Variants in TMEM116 observed in about 807,000 individuals in gnomAD.
The protein encoded by TMEM116 is transmembrane protein 116.
A neutral mutation model predicts 44.3 loss-of-function variants in TMEM116; 38 were observed. The ratio of observed to expected loss-of-function variants is 0.86; its 90% confidence interval spans 0.66 to 1.12. The LOEUF (loss-of-function observed/expected upper bound fraction) is 1.12. TMEM116 is among the 50% of genes most tolerant of loss of function. TMEM116 has a pLI of 0.00. For synonymous variants in TMEM116, 132 were observed against 144.8 expected (o/e 0.91, Z 0.64); for missense variants, 354 against 401.7 (o/e 0.88, Z 1.01).
intron 5 of TMEM116, among the ~76,000 whole-genome samples, chr12:111,941,881 T>C (rs1259583830): frequency 6.6e-6 from 1 of 152,172 alleles, no homozygotes; most frequent in Non-Finnish European, 1.5e-5. Context: ...AATCATAGCA[T>C]CTTGGGGGTG....
At chr12:111,939,827 C>G (rs2072527937) in intron 5 of TMEM116, among the ~76,000 whole-genome samples, 1 of 137,506 alleles carries the variant, frequency 7.3e-6, no homozygotes, top group African/African-American at 2.7e-5. Flanking sequence ...AACCTTGTAT[C>G]AAAAAAATAA....
intron 4 of TMEM116, among the ~76,000 whole-genome samples, chr12:111,976,002 T>G (rs2075647770): frequency 6.6e-6 from 1 of 152,028 alleles, no homozygotes; most frequent in African/African-American, 2.4e-5. Flanking sequence ...TTTTGTTTTG[T>G]TTTTGTTTTT....
intron 4 of TMEM116, among the ~76,000 whole-genome samples, chr12:111,988,838 A>T (rs910719791): frequency 2.0e-5 from 3 of 151,414 alleles, no homozygotes; most frequent in Admixed American, 1.3e-4. Flanking sequence ...AAAAAATACA[A>T]AAAATAAGCC....
At chr12:112,002,622 G>A (rs2077323969) in intron 3 of TMEM116, among the ~76,000 whole-genome samples, 1 of 151,554 alleles carries the variant, frequency 6.6e-6, no homozygotes, top group African/African-American at 2.4e-5. Context: ...TCTATTTACT[G>A]TGTAACTTGA....
chr12:111,970,974 G>T (rs2075300319), intron 4 of TMEM116, among the ~76,000 whole-genome samples: 1 of 152,294 alleles, frequency 6.6e-6, no homozygotes. Flanking sequence ...ATAACGATAA[G>T]AATAATATCA....
chr12:111,942,771 T>G (rs984679936), intron 5 of TMEM116, among the ~76,000 whole-genome samples: 31 of 151,194 alleles, frequency 2.1e-4, no homozygotes, highest in Non-Finnish European at 1.0e-4. Context: ...TATGTGTATG[T>G]GTGTGTGTGT....
intron 4 of TMEM116, among the ~76,000 whole-genome samples, chr12:111,952,305 C>T (rs2073792095): frequency 6.6e-6 from 1 of 152,108 alleles, no homozygotes; most frequent in Admixed American, 6.5e-5. Flanking sequence ...TCAACCCAGT[C>T]ATAAAATGCT....
chr12:111,994,711 C>T (rs1362132816), intron 3 of TMEM116, among the ~76,000 whole-genome samples: 1 of 152,124 alleles, frequency 6.6e-6, no homozygotes, highest in Non-Finnish European at 1.5e-5. Flanking sequence ...TATCCATAAC[C>T]TATGTTTAGT....
At chr12:112,007,285 G>A (rs767783682) in intron 1 of TMEM116, among the ~76,000 whole-genome samples, 1 of 152,122 alleles carries the variant, frequency 6.6e-6, no homozygotes, top group Non-Finnish European at 1.5e-5. Flanking sequence ...GGGGTGGCAT[G>A]CGCCTGTAAT....
chr12:111,951,360 T>G (rs1359550463), intron 4 of TMEM116, among the ~76,000 whole-genome samples: 2 of 152,230 alleles, frequency 1.3e-5, no homozygotes, highest in Non-Finnish European at 2.9e-5. Context: ...TAAAGACACA[T>G]GCACACATAC....
chr12:111,940,973 T>C (rs1320186763), intron 5 of TMEM116, among the ~76,000 whole-genome samples: 1 of 152,214 alleles, frequency 6.6e-6, no homozygotes, highest in African/African-American at 2.4e-5. Flanking sequence ...AAGGGAAAGA[T>C]ACTGAATAAT....
At chr12:111,972,662 T>C (rs1410761476) in intron 4 of TMEM116, among the ~76,000 whole-genome samples, 2 of 152,082 alleles carry the variant, frequency 1.3e-5, no homozygotes, top group Admixed American at 1.3e-4. Context: ...GCAAATCACT[T>C]GAGATCAGGA....
intron 4 of TMEM116, among the ~76,000 whole-genome samples, chr12:111,970,330 T>TG (rs1003350178): frequency 5.5e-5 from 8 of 146,652 alleles, no homozygotes; most frequent in Non-Finnish European, 1.2e-4. Context: ...ATGGAAAACA[T>TG]GGGGGAAAAA....
intron 3 of TMEM116, chr12:112,003,478 G>T (rs938265680): frequency 1.5e-4 from 27 of 185,262 alleles, no homozygotes; most frequent in Admixed American, 9.7e-4. Flanking sequence ...TGAGGCAGGA[G>T]AATGGCGTGA....
chr12:111,935,099 T>G (rs1045593220), intron 8 of TMEM116: 16 of 152,148 alleles, frequency 1.1e-4, no homozygotes, highest in African/African-American at 3.9e-4. Flanking sequence ...TCTGTTGATT[T>G]ATTTATTTTT....
intron 4 of TMEM116, among the ~76,000 whole-genome samples, chr12:111,984,078 T>C (rs566224422): frequency 6.6e-6 from 1 of 152,254 alleles, no homozygotes; most frequent in African/African-American, 2.4e-5. Context: ...ATCGTCTATA[T>C]GACTATTTCA....
intron 10 of TMEM116, among the ~76,000 whole-genome samples, chr12:111,932,376 T>C (rs1346540458): frequency 6.6e-6 from 1 of 152,232 alleles, no homozygotes; most frequent in African/African-American, 2.4e-5. Flanking sequence ...ATATACGCTC[T>C]GGAATGCATG....
At chr12:111,980,910 C>CA in intron 4 of TMEM116, among the ~76,000 whole-genome samples, 1 of 151,956 alleles carries the variant, frequency 6.6e-6, no homozygotes, top group African/African-American at 2.4e-5. Context: ...CTCCTCTCCA[C>CA]AAAAAATACA....
chr12:111,990,488 G>T (rs1226642539), intron 4 of TMEM116, among the ~76,000 whole-genome samples: 1 of 152,094 alleles, frequency 6.6e-6, no homozygotes, highest in Admixed American at 6.6e-5. Flanking sequence ...TTATTAGCAG[G>T]ACTGAGCAAA....
Sources: allele counts gnomAD v4.1 joint callset (sites outside exome capture counted in the v4.1 genomes callset), GRCh38; gene constraint gnomAD v4.1.1; transcripts MANE v1.5; gene names NCBI Gene and HGNC (gene_info 2026-07-23, HGNC 2026-07-21).